R3HDM2: variants seen among roughly 807,000 people sequenced by gnomAD.
The protein encoded by R3HDM2 is R3H domain containing 2, also known as R3H domain-containing protein 2.
Under a neutral mutation model 124.5 loss-of-function variants are expected in R3HDM2, and 38 were observed. That is an observed-to-expected ratio of 0.31 (90% CI 0.24 to 0.40). The LOEUF is 0.40. Ranked by LOEUF, R3HDM2 falls within the 10% of genes least tolerant of loss-of-function variation. The pLI, the probability that R3HDM2 is intolerant of heterozygous loss-of-function variation, is 1.00. For synonymous variants in R3HDM2, 391 were observed against 448.0 expected, an observed-to-expected ratio of 0.87 and a Z score of 1.61; for missense variants, 869 against 1,236.9, an observed-to-expected ratio of 0.70 and a Z score of 4.46.
At chr12:57,351,635 T>C (rs1490095361) in intron 2 of R3HDM2, among the ~76,000 whole-genome samples, 1 of 152,222 alleles carries the variant, frequency 6.6e-6, no homozygotes, top group Admixed American at 6.5e-5. Context: ...TACTCACTAA[T>C]TATGTAACAG....
chr12:57,269,983 G>A lies in R3HDM2; in HGVS notation c.1356C>T (p.Leu452=). The A allele has an allele frequency of 1.2e-6, 2 of 1,614,230 alleles. No individual in the cohort carries two copies. Among genetic ancestry groups the A allele is most frequent in the South Asian group, 2.2e-5 (2 of 91,078 alleles). The change falls in exon 15 of 24, where the codon CTC becomes CTT. Residue 452 remains leucine (L), a synonymous_variant. Coordinates refer to ENST00000402412, the MANE Select transcript of R3HDM2 (RefSeq NM_001394031.1). ...GGCTCATTTGTCCAAAGGGGTTGCTGAGGTCATCTGCCTGTTGAGAGAGTA... is the reference window on the plus strand; with the variant it reads ...GGCTCATTTGTCCAAAGGGGTTGCTAAGGTCATCTGCCTGTTGAGAGAGTA... The part of the protein sequence containing the change: ...NNHMISQADD[L]SNPFGQMSLS...
At chr12:57,364,220 C>T (rs1404323121) in intron 2 of R3HDM2, among the ~76,000 whole-genome samples, 1 of 143,500 alleles carries the variant, frequency 7.0e-6, no homozygotes, top group Non-Finnish European at 1.5e-5. Context: ...CGATCTCAGT[C>T]AACTGCAACC....
chr12:57,341,523 T>G (rs573519753), intron 2 of R3HDM2: 1 of 487,310 alleles, frequency 2.1e-6, no homozygotes, highest in Admixed American at 6.4e-5. Context: ...GGCCAGCAAA[T>G]AAAAACAAGC....
chr12:57,349,379 C>CAACAAA (rs2060432384), intron 2 of R3HDM2, among the ~76,000 whole-genome samples: 1 of 57,776 alleles, frequency 1.7e-5, no homozygotes, highest in Non-Finnish European at 2.8e-5. Context: ...ACTCCGTCTC[C>CAACAAA]AAAAAAAAAA....
At chr12:57,354,640 T>A (rs1566304893) in intron 2 of R3HDM2, among the ~76,000 whole-genome samples, 1 of 152,030 alleles carries the variant, frequency 6.6e-6, no homozygotes, top group Non-Finnish European at 1.5e-5. Context: ...ATGTGCTGAT[T>A]TTTCAACCCT....
At chr12:57,300,698 C>A (rs187751646) in intron 4 of R3HDM2, among the ~76,000 whole-genome samples, 1 of 152,280 alleles carries the variant, frequency 6.6e-6, no homozygotes, top group African/African-American at 2.4e-5. Context: ...AGATAATATA[C>A]AGTATGTAAA....
chr12:57,368,891 G>C (rs769835634), intron 2 of R3HDM2, among the ~76,000 whole-genome samples: 49 of 152,084 alleles, frequency 3.2e-4, no homozygotes, highest in Non-Finnish European at 2.5e-4. Flanking sequence ...TTCCAAAAGT[G>C]GGGGGTGGAT....
chr12:57,307,684 T>TGG, intron 3 of R3HDM2, among the ~76,000 whole-genome samples: 2 of 149,242 alleles, frequency 1.3e-5, no homozygotes, highest in South Asian at 2.1e-4. Flanking sequence ...TGGAGTGCAG[T>TGG]GGTACAATCT....
At position 57,340,682 on chromosome 12, in the gene R3HDM2, C is replaced by G. The variant is rs2059450192; in HGVS notation, c.-35-30219G>C. Among the ~76,000 whole-genome samples the G allele has an allele frequency of 5.3e-5, 8 of 152,070 alleles. No homozygotes were observed. The South Asian group carries it at 1.7e-3, about 31-fold the overall frequency. On this transcript the variant is annotated intron_variant, in intron 2 of 23. Transcript: ENST00000402412. ...ATTCAGAGTAAATGAAAGCACAGAA[C>G]AGAAGAGAAAATAAAGACAGAAAAT...
chr12:57,409,294 CT>C (rs1467236962), intron 1 of R3HDM2, among the ~76,000 whole-genome samples: 4 of 152,060 alleles, frequency 2.6e-5, no homozygotes. Context: ...ACAATATTAT[CT>C]TCTTCAAATT....
intron 3 of R3HDM2, among the ~76,000 whole-genome samples, chr12:57,308,208 C>A (rs1357844649): frequency 2.6e-5 from 4 of 151,524 alleles, no homozygotes; most frequent in Admixed American, 2.6e-4. Context: ...GCACATGCCA[C>A]CATGCCCAGC....
At chr12:57,417,714 T>C (rs1283046967) in intron 1 of R3HDM2, among the ~76,000 whole-genome samples, 2 of 152,192 alleles carry the variant, frequency 1.3e-5, no homozygotes, top group African/African-American at 4.8e-5. Context: ...AGTCCTCCAC[T>C]GGCACAAGTA....
chr12:57,323,012 C>T (rs767681539), intron 2 of R3HDM2, among the ~76,000 whole-genome samples: 3 of 152,108 alleles, frequency 2.0e-5, no homozygotes, highest in Non-Finnish European at 4.4e-5. Context: ...TTGAGATCAT[C>T]TTACTCAATA....
intron 2 of R3HDM2, among the ~76,000 whole-genome samples, chr12:57,331,081 C>G (rs536472572): frequency 2.1e-3 from 323 of 152,232 alleles, no homozygotes; most frequent in Non-Finnish European, 3.3e-3. Flanking sequence ...ATTTTGATGC[C>G]TTTTCTTTCT....
chr12:57,349,547 T>C (rs1427669099), intron 2 of R3HDM2, among the ~76,000 whole-genome samples: 1 of 151,474 alleles, frequency 6.6e-6, no homozygotes, highest in Non-Finnish European at 1.5e-5. Context: ...GTACATGGTT[T>C]GCTTTTTGTT....
At chr12:57,426,060 T>A (rs2070712387) in intron 1 of R3HDM2, among the ~76,000 whole-genome samples, 2 of 152,012 alleles carry the variant, frequency 1.3e-5, no homozygotes, top group Admixed American at 1.3e-4. Flanking sequence ...GAACCCTGTA[T>A]CTACTAAAAA....
intron 1 of R3HDM2, among the ~76,000 whole-genome samples, chr12:57,402,484 G>T (rs113458031): frequency 6.6e-6 from 1 of 152,146 alleles, no homozygotes; most frequent in East Asian, 1.9e-4. Flanking sequence ...AAATAGCCAT[G>T]CACCACCATG....
intron 2 of R3HDM2, among the ~76,000 whole-genome samples, chr12:57,386,479 C>A (rs1001024930): frequency 2.0e-5 from 3 of 152,258 alleles, no homozygotes; most frequent in Admixed American, 1.3e-4. Context: ...TGCTCGACTT[C>A]TTGCCGGGCC....
rs1279331136 is a variant in R3HDM2, at chr12:57,296,377, G to C, written c.701+34C>G. 6.5e-7 allele frequency: 1 copy of C among 1,550,210 alleles called. No individual in the cohort carries two copies. Among genetic ancestry groups the C allele is most frequent in the Non-Finnish European group, 8.7e-7 (1 of 1,145,606 alleles). Reference sequence around the variant, plus strand: ...CTTCCAACCCAGCAGGTTATCCCAGGGAAGTCTTCCCAAACCATGGTTTCC... The same window carrying C: ...CTTCCAACCCAGCAGGTTATCCCAGCGAAGTCTTCCCAAACCATGGTTTCC... On this transcript the variant is annotated intron_variant, in intron 9 of 23. Transcript: ENST00000402412. The surrounding 1 kb of genome is among the most constrained non-coding windows in gnomAD (Gnocchi z 4.5).
Sources: allele counts gnomAD v4.1 joint callset (sites outside exome capture counted in the v4.1 genomes callset), GRCh38; gene constraint gnomAD v4.1.1; non-coding constraint Gnocchi (gnomAD v3.1); transcripts MANE v1.5; gene names NCBI Gene and HGNC (gene_info 2026-07-23, HGNC 2026-07-21).